Variants in EIF2B3 observed in about 807,000 individuals in gnomAD.
The protein encoded by EIF2B3 is translation initiation factor eIF2B subunit gamma.
In EIF2B3, 20 loss-of-function variants were observed where a neutral mutation model predicts 54.1. The observed-to-expected ratio is 0.37, with a 90% CI of 0.26 to 0.54. The LOEUF (loss-of-function observed/expected upper bound fraction) is 0.54. Among genes scored for constraint, EIF2B3 ranks in the 20% least tolerant of loss-of-function variants. The pLI, the probability that EIF2B3 is intolerant of heterozygous loss-of-function variation, is 0.86. For synonymous variants in EIF2B3, 153 were observed against 188.1 expected (o/e 0.81, Z 1.52); for missense variants, 448 against 547.8 (o/e 0.82, Z 1.82).
At position 44,875,665 on chromosome 1, in the gene EIF2B3, C is replaced by T; in HGVS notation, c.1006G>A (p.Glu336Lys). Reference sequence around the variant, plus strand: ...GCTGACGAATGGACTGGTGGTTCTTCTGGACAGAGAGCAGACAGCAATTTG... The same window carrying T: ...GCTGACGAATGGACTGGTGGTTCTTTTGGACAGAGAGCAGACAGCAATTTG... The part of the protein sequence containing the change: ...VPKLLSALCP[E>K]EPPVHSSAQI... The change falls in exon 9 of 12, where the codon GAA becomes AAA. Residue 336 changes from glutamate to lysine, a missense_variant. By Grantham distance (56) the Glu-to-Lys change is moderately conservative (BLOSUM62 1). Around this residue, in one of 3 missense-constraint regions of EIF2B3, gnomAD observed 350 missense variants for 414.2 expected, o/e 0.85. Coordinates refer to ENST00000360403, the MANE Select transcript of EIF2B3 (RefSeq NM_020365.5). The T allele has an allele frequency of 6.2e-7, 1 of 1,614,198 alleles. No homozygotes were observed. Among genetic ancestry groups the T allele is most frequent in the Non-Finnish European group, 8.5e-7 (1 of 1,180,036 alleles).
At chr1:44,969,652 T>C (rs1328091166) in intron 3 of EIF2B3, among the ~76,000 whole-genome samples, 1 of 152,184 alleles carries the variant, frequency 6.6e-6, no homozygotes, top group Non-Finnish European at 1.5e-5. Context: ...GGGTAAAATA[T>C]AGATAAAATA....
intron 3 of EIF2B3, chr1:44,959,372 G>C (rs771661617): frequency 3.6e-6 from 2 of 551,006 alleles, no homozygotes; most frequent in Non-Finnish European, 6.7e-6. Context: ...TTCTAGCAGG[G>C]CCTTCAAAGT....
chr1:44,933,055 AG>A (rs1418606426), intron 4 of EIF2B3, among the ~76,000 whole-genome samples: 2 of 152,148 alleles, frequency 1.3e-5, no homozygotes, highest in African/African-American at 4.8e-5. Context: ...GCTTTAGGAG[AG>A]GTACCTTGAA....
intron 5 of EIF2B3, among the ~76,000 whole-genome samples, chr1:44,916,248 G>T (rs917614836): frequency 3.3e-5 from 5 of 151,752 alleles, no homozygotes; most frequent in African/African-American, 9.7e-5. Context: ...TTGAGACAGG[G>T]TCTCTCTCTG....
intron 3 of EIF2B3, among the ~76,000 whole-genome samples, chr1:44,951,023 T>C (rs192345448): frequency 1.7e-4 from 26 of 152,292 alleles, no homozygotes; most frequent in African/African-American, 6.3e-4. Flanking sequence ...TTAGGACTAT[T>C]TTCTTATCTC....
intron 1 of EIF2B3, among the ~76,000 whole-genome samples, chr1:44,983,769 T>C (rs1644539711): frequency 6.6e-6 from 1 of 152,054 alleles, no homozygotes; most frequent in Non-Finnish European, 1.5e-5. Flanking sequence ...TGCAATGGCA[T>C]GATCTTGGCT....
At chr1:44,869,296 GGTGAAA>G (rs1654881336) in intron 10 of EIF2B3, among the ~76,000 whole-genome samples, 1 of 151,922 alleles carries the variant, frequency 6.6e-6, no homozygotes, top group African/African-American at 2.4e-5. Context: ...TGGCCAACAT[GGTGAAA>G]CCCTGTCTCT....
At chr1:44,977,687 A>ACTCCTGAC (rs1644467090) in intron 3 of EIF2B3, among the ~76,000 whole-genome samples, 2 of 151,884 alleles carry the variant, frequency 1.3e-5, no homozygotes, top group Admixed American at 1.3e-4. Flanking sequence ...CTGGTCTCAA[A>ACTCCTGAC]CTCCTGACCT....
At chr1:44,856,508 C>G (rs942704415) in intron 11 of EIF2B3, among the ~76,000 whole-genome samples, 1 of 139,938 alleles carries the variant, frequency 7.1e-6, no homozygotes, top group Non-Finnish European at 1.5e-5. Context: ...GAGCAAGACT[C>G]TGTCTCAAAA....
At chr1:44,882,183 G>A (rs1004648540) in intron 6 of EIF2B3, among the ~76,000 whole-genome samples, 1 of 152,180 alleles carries the variant, frequency 6.6e-6, no homozygotes, top group Non-Finnish European at 1.5e-5. Flanking sequence ...CATCATTTCT[G>A]ACTTCAAGGA....
At chr1:44,910,971 AT>A (rs1402647440) in intron 5 of EIF2B3, among the ~76,000 whole-genome samples, 1 of 152,086 alleles carries the variant, frequency 6.6e-6, no homozygotes, top group East Asian at 1.9e-4. Context: ...ACTGAACCCA[AT>A]TTACAAAAGT....
intron 6 of EIF2B3, among the ~76,000 whole-genome samples, chr1:44,885,907 T>G (rs986595848): frequency 6.7e-6 from 1 of 150,356 alleles, no homozygotes; most frequent in Non-Finnish European, 1.5e-5. Flanking sequence ...GCTAATTTTT[T>G]TTTTTTTTTT....
At chr1:44,906,721 C>G (rs1208172850) in intron 5 of EIF2B3, among the ~76,000 whole-genome samples, 1 of 152,166 alleles carries the variant, frequency 6.6e-6, no homozygotes, top group Non-Finnish European at 1.5e-5. Flanking sequence ...ATGAAACAAC[C>G]TAGCTCAGAC....
rs531586182 is a variant in EIF2B3, at chr1:44,949,856, A to G, written c.295-8191T>C. Reference sequence around the variant, plus strand: ...CAAGGAAATTTTCCTCTTCAGATTAAGAACAAATAGAGGAATTATATTCTT... The same window carrying G: ...CAAGGAAATTTTCCTCTTCAGATTAGGAACAAATAGAGGAATTATATTCTT... On this transcript the variant is annotated intron_variant, in intron 3 of 11. Transcript: ENST00000360403. 1.7e-3 allele frequency among the ~76,000 whole-genome samples: 266 copies of G among 152,352 alleles called. 1 individual carries two copies. The highest frequency in any genetic ancestry group is 6.3e-3 in the African/African-American group (260 of 41,580).
At chr1:44,968,613 A>G (rs1486396345) in intron 3 of EIF2B3, among the ~76,000 whole-genome samples, 1 of 152,154 alleles carries the variant, frequency 6.6e-6, no homozygotes, top group Non-Finnish European at 1.5e-5. Flanking sequence ...GAAAGAATAC[A>G]TTTAGGCCGG....
chr1:44,854,649 G>A (rs1034081527), intron 11 of EIF2B3, among the ~76,000 whole-genome samples: 8 of 149,766 alleles, frequency 5.3e-5, no homozygotes, highest in East Asian at 2.0e-4. Flanking sequence ...GTGTGATGGC[G>A]TGATCTCAGC....
intron 8 of EIF2B3, among the ~76,000 whole-genome samples, chr1:44,876,776 T>C (rs928622098): frequency 2.8e-5 from 4 of 143,960 alleles, no homozygotes; most frequent in South Asian, 4.5e-4. Context: ...GGGGAAAAGA[T>C]TGAGAAATCG....
intron 1 of EIF2B3, among the ~76,000 whole-genome samples, chr1:44,986,137 T>C (rs67683150): frequency 0.19 from 24,288 of 129,408 alleles, 2,274 homozygotes; most frequent in East Asian, 0.26. Context: ...TCTTTTCTTT[T>C]CTTTTTTTTT....
rs370610383 is a variant in EIF2B3 at position 44,869,371 on chromosome 1, G to C, written c.1202+5307C>G. On this transcript the variant is annotated intron_variant, in intron 10 of 11. Transcript: ENST00000360403. Reference sequence around the variant, plus strand: ...TGCGCACCTATAATCCCAACTACTCGGGAGTTTGAGGCAGGAGAATCGCTT... The same window carrying C: ...TGCGCACCTATAATCCCAACTACTCCGGAGTTTGAGGCAGGAGAATCGCTT... 1.1e-3 allele frequency among the ~76,000 whole-genome samples: 170 copies of C among 151,540 alleles called. 3 individuals carry two copies. In the South Asian group the frequency reaches 0.035, roughly 31 times the overall value.
Sources: allele counts gnomAD v4.1 joint callset (sites outside exome capture counted in the v4.1 genomes callset), GRCh38; gene constraint gnomAD v4.1.1; regional missense constraint gnomAD v4.1.1; transcripts MANE v1.5; gene names NCBI Gene and HGNC (gene_info 2026-07-23, HGNC 2026-07-21).